Variants in RBM5 observed in about 807,000 individuals in gnomAD.
RBM5 encodes the protein RNA-binding protein 5.
In RBM5, 15 loss-of-function variants were observed where a neutral mutation model predicts 124.6. That is an observed-to-expected ratio of 0.12 (90% CI 0.08 to 0.19). The LOEUF (loss-of-function observed/expected upper bound fraction) is 0.19. RBM5 is among the 10% of genes least tolerant of loss of function. The pLI, the probability that RBM5 is intolerant of heterozygous loss-of-function variation, is 1.00. For missense variants in RBM5, 580 were observed against 1,026.5 expected (o/e 0.57, Z 5.94); for synonymous variants, 337 against 361.2 (o/e 0.93, Z 0.76).
Position 50,115,612 on chromosome 3 carries a change from C to A in RBM5, c.2019+5C>A. 1 of 1,607,108 alleles carries A rather than the reference C, an allele frequency of 6.2e-7. No individual in the cohort carries two copies. The highest frequency in any genetic ancestry group is 1.1e-5 in the South Asian group (1 of 90,488). ...CAACTCTCAGACCTTCACAAGGTGGCCATGCTTCTGAGCTGATCTGAGGGG... is the reference window on the plus strand; with the variant it reads ...CAACTCTCAGACCTTCACAAGGTGGACATGCTTCTGAGCTGATCTGAGGGG... On this transcript the variant is annotated splice_donor_5th_base_variant and intron_variant, in intron 21 of 24. Transcript: ENST00000347869.
At chr3:50,098,044 C>T (rs1186451883) in intron 4 of RBM5, among the ~76,000 whole-genome samples, 1 of 152,110 alleles carries the variant, frequency 6.6e-6, no homozygotes, top group East Asian at 1.9e-4. Context: ...TTGCAGTGAG[C>T]CGAGATCATG....
At chr3:50,104,114 C>T (rs1445778084) in intron 7 of RBM5, 134 bp from the exon 8 acceptor site, 3 of 694,710 alleles carry the variant, frequency 4.3e-6, no homozygotes, top group Non-Finnish European at 7.6e-6. Context: ...TAGGTTATGT[C>T]CCCATGTCTC....
At chr3:50,116,955 C>CT (rs2091264487) in intron 22 of RBM5, 119 bp from the exon 23 acceptor site, 1 of 896,834 alleles carries the variant, frequency 1.1e-6, no homozygotes, top group Non-Finnish European at 1.7e-6. Flanking sequence ...TCAGAGCAGT[C>CT]TAAAAAAAGC....
chr3:50,116,075 TAGG>T (rs1268916396), intron 22 of RBM5, 95 bp downstream of exon 22: 1 of 1,229,840 alleles, frequency 8.1e-7, no homozygotes, highest in Non-Finnish European at 1.2e-6. Flanking sequence ...AGGGGCAGGG[TAGG>T]AGGATTTGTC....
Position 50,108,185 on chromosome 3 carries a change from C to G in RBM5, c.1119+38C>G. On this transcript the variant is annotated intron_variant, in intron 13 of 24. Coordinates refer to ENST00000347869, the MANE Select transcript of RBM5 (RefSeq NM_005778.4). ...TAGCAGCATCCACCTTATAGTCTTGCAGAGTGTGTCTGAGAATAGCAGCTT... is the reference window on the plus strand; with the variant it reads ...TAGCAGCATCCACCTTATAGTCTTGGAGAGTGTGTCTGAGAATAGCAGCTT... 2.5e-6 allele frequency: 4 copies of G among 1,601,204 alleles called. No homozygotes were observed. In the South Asian group the frequency reaches 4.4e-5, roughly 18 times the overall value.
At chr3:50,109,884 T>G (rs1183755051) in intron 15 of RBM5, 196 bp downstream of exon 15, 1 of 510,360 alleles carries the variant, frequency 2.0e-6, no homozygotes, top group Admixed American at 3.5e-5. Context: ...ATTTCAACTG[T>G]GTATTTACAC....
chr3:50,093,951 G>A, intron 4 of RBM5, 76 bp downstream of exon 4: 3 of 1,504,246 alleles, frequency 2.0e-6, no homozygotes, highest in Non-Finnish European at 2.7e-6. Flanking sequence ...ATTTTCTCAT[G>A]CTATTGTTTT....
intron 9 of RBM5, 38 bp from the exon 10 acceptor site, chr3:50,105,511 G>A: frequency 6.3e-7 from 1 of 1,597,036 alleles, no homozygotes; most frequent in Non-Finnish European, 8.6e-7. Flanking sequence ...TTGGTGGTGG[G>A]AATGCATGTG....
chr3:50,102,706 A>G, intron 6 of RBM5: 1 of 208,768 alleles, frequency 4.8e-6, no homozygotes, highest in Non-Finnish European at 9.7e-6. Flanking sequence ...GCTAAGGGCA[A>G]AAGTAAGAGA....
rs576717981 is a variant in RBM5 at position 50,105,670 on chromosome 3, G to A, written c.816G>A (p.Gln272=). The change falls in exon 10 of 25, where the codon CAG becomes CAA. Residue 272 remains glutamine, a synonymous_variant. Coordinates refer to ENST00000347869, the MANE Select transcript of RBM5 (RefSeq NM_005778.4). ...TCATAAAAGACAAACAGACCCAGCA[G>A]AACAGAGGCTTCGCATTTGTGCAGC... The part of the protein sequence containing the change: ...IRLIKDKQTQ[Q]NRGFAFVQLS... 5.2e-5 allele frequency: 84 copies of A among 1,614,196 alleles called. No homozygotes were observed. The highest frequency in any genetic ancestry group is 4.4e-4 in the African/African-American group (33 of 75,056).
At chr3:50,109,172 C>T (rs1575327315) in intron 14 of RBM5, among the ~76,000 whole-genome samples, 1 of 152,214 alleles carries the variant, frequency 6.6e-6, no homozygotes, top group East Asian at 1.9e-4. Context: ...CTCCCAGGTT[C>T]ACGCCATTCT....
Position 50,108,270 on chromosome 3 carries a change from T to G in RBM5, c.1158T>G (p.Ala386=). 6.2e-7 allele frequency: 1 copy of G among 1,613,636 alleles called. No individual in the cohort carries two copies. The highest frequency in any genetic ancestry group is 1.1e-5 in the South Asian group (1 of 91,078). The part of the protein sequence containing the change: ...QDYQQFYQQQ[A]GGLESDASSA... ...ATCAGCAGTTTTATCAACAACAAGC[T>G]GGAGGATTGGAATCTGATGCATCAT... The change falls in exon 14 of 25, where the codon GCT becomes GCG. Residue 386 remains alanine (A), a synonymous_variant. Transcript: ENST00000347869.
At chr3:50,105,225 G>A (rs768131545) in intron 9 of RBM5, 83 bp downstream of exon 9, 68 of 1,178,988 alleles carry the variant, frequency 5.8e-5, no homozygotes, top group African/African-American at 2.1e-4. Flanking sequence ...TGGCTAACAC[G>A]GTGAAACCCT....
intron 4 of RBM5, 41 bp from the exon 5 acceptor site, chr3:50,099,941 G>A (rs1420912048): frequency 1.3e-6 from 2 of 1,572,074 alleles, no homozygotes; most frequent in Non-Finnish European, 8.7e-7. Flanking sequence ...AATAGTGTGT[G>A]GCAAAAGCTT....
intron 3 of RBM5, 103 bp from the exon 4 acceptor site, chr3:50,093,617 T>G: frequency 7.7e-7 from 1 of 1,295,028 alleles, no homozygotes; most frequent in Non-Finnish European, 1.1e-6. Context: ...AGTGCTTGTG[T>G]AATCTCTGTA....
chr3:50,113,806 A>G, intron 18 of RBM5, 144 bp from the exon 19 acceptor site: 1 of 1,055,128 alleles, frequency 9.5e-7, no homozygotes, highest in Non-Finnish European at 1.4e-6. Context: ...ATGTGATAAC[A>G]TCTAATGGAA....
In RBM5 at chr3:50,108,102, C is replaced by T. The variant is rs2091072503; in HGVS notation, c.1074C>T (p.Tyr358=). The T allele has an allele frequency of 1.2e-6, 2 of 1,611,510 alleles. No homozygotes were observed. The highest frequency in any genetic ancestry group is 1.7e-6 in the Non-Finnish European group (2 of 1,177,664). The part of the protein sequence containing the change: ...SQSGEGGSVD[Y]SYLQPGQDGY... The stretch of plus-strand genomic sequence containing the variant: ...GTGGTGAAGGAGGCAGTGTTGACTA[C>T]AGTTATCTGCAACCAGGTCAAGATG... Residue 358 remains tyrosine, a synonymous_variant, in exon 13 of 25, where the codon TAC becomes TAT. Coordinates refer to ENST00000347869, the MANE Select transcript of RBM5 (RefSeq NM_005778.4).
chr3:50,092,943 C>CTTTTTTTTT (rs530934301), intron 3 of RBM5: 6 of 79,196 alleles, frequency 7.6e-5, no homozygotes, highest in Non-Finnish European at 1.1e-4. Flanking sequence ...CTTGATATAT[C>CTTTTTTTTT]TTTTTTTTTT....
intron 16 of RBM5, 37 bp downstream of exon 16, chr3:50,110,500 G>C (rs771184932): frequency 4.1e-5 from 65 of 1,581,492 alleles, no homozygotes; most frequent in Non-Finnish European, 5.4e-5. Context: ...ACAGTTGGAA[G>C]GTCTTAGTTG....
Sources: gnomAD v4.1 joint callset for allele counts (sites outside exome capture counted in the v4.1 genomes callset) on GRCh38, gnomAD v4.1.1 for gene constraint, MANE v1.5 for transcripts, NCBI Gene and HGNC (gene_info 2026-07-23, HGNC 2026-07-21) for gene names.